Variants in CADM2 observed in about 807,000 individuals in gnomAD.
CADM2 encodes cell adhesion molecule 2.
Under a neutral mutation model 49.8 loss-of-function variants are expected in CADM2, and 12 were observed. That is an observed-to-expected ratio of 0.24 (90% CI 0.15 to 0.39). The LOEUF is 0.39. Ranked by LOEUF, CADM2 falls within the 10% of genes least tolerant of loss-of-function variation. The pLI, the probability that CADM2 is intolerant of heterozygous loss-of-function variation, is 1.00. For missense variants in CADM2, 378 were observed against 492.3 expected, an observed-to-expected ratio of 0.77 and a Z score of 2.20; for synonymous variants, 214 against 175.4, an observed-to-expected ratio of 1.22 and a Z score of -1.74.
chr3:85,408,967 A>G (rs2035532977), intron 1 of CADM2, among the ~76,000 whole-genome samples: 1 of 152,172 alleles, frequency 6.6e-6, no homozygotes, highest in Non-Finnish European at 1.5e-5. Context: ...ATGGCAATTT[A>G]ATGTTTGCAA....
intron 6 of CADM2, among the ~76,000 whole-genome samples, chr3:85,935,293 C>A (rs973737584): frequency 6.6e-6 from 1 of 152,094 alleles, no homozygotes; most frequent in African/African-American, 2.4e-5. Context: ...TGAAAAGATT[C>A]TGCATAATAC....
intron 1 of CADM2, among the ~76,000 whole-genome samples, chr3:85,218,246 A>G (rs2041974344): frequency 6.6e-6 from 1 of 152,148 alleles, no homozygotes; most frequent in Admixed American, 6.5e-5. Flanking sequence ...ACTTAGCCAT[A>G]TTTACCATTA....
chr3:85,289,448 CT>C (rs1553704756), intron 1 of CADM2, among the ~76,000 whole-genome samples: 10 of 152,104 alleles, frequency 6.6e-5, no homozygotes, highest in Non-Finnish European at 2.9e-5. Context: ...TGACTCTATG[CT>C]TGCAATAGAC....
chr3:85,927,372 G>T (rs915752493), intron 6 of CADM2, among the ~76,000 whole-genome samples: 1 of 152,132 alleles, frequency 6.6e-6, no homozygotes, highest in Admixed American at 6.5e-5. Flanking sequence ...CAAACACTGA[G>T]TAGCACCGTT....
intron 1 of CADM2, among the ~76,000 whole-genome samples, chr3:85,132,308 C>T (rs974780035): frequency 6.6e-6 from 1 of 152,132 alleles, no homozygotes; most frequent in Non-Finnish European, 1.5e-5. Flanking sequence ...CCTAAGGAAA[C>T]CTTTAACTGG....
At chr3:85,644,968 G>T (rs1052327642) in intron 1 of CADM2, among the ~76,000 whole-genome samples, 1 of 151,942 alleles carries the variant, frequency 6.6e-6, no homozygotes, top group Non-Finnish European at 1.5e-5. Flanking sequence ...CATTATATAA[G>T]ATTTTTCCTA....
At chr3:85,872,580 A>G (rs970313311) in intron 3 of CADM2, among the ~76,000 whole-genome samples, 1 of 151,568 alleles carries the variant, frequency 6.6e-6, no homozygotes, top group African/African-American at 2.4e-5. Flanking sequence ...AACTTCAATA[A>G]TTTTAATTTT....
chr3:85,890,677 GA>G (rs1202734630), intron 5 of CADM2, among the ~76,000 whole-genome samples: 7 of 143,700 alleles, frequency 4.9e-5, no homozygotes, highest in East Asian at 4.0e-4. Flanking sequence ...ATCAGTTCAT[GA>G]AAAAAAAGAA....
chr3:85,629,995 T>C (rs1040207492), intron 1 of CADM2, among the ~76,000 whole-genome samples: 6 of 152,168 alleles, frequency 3.9e-5, no homozygotes, highest in African/African-American at 1.4e-4. Flanking sequence ...ATCTTTTATC[T>C]GGTCTCTGTA....
intron 1 of CADM2, among the ~76,000 whole-genome samples, chr3:85,403,682 T>C (rs2035232135): frequency 6.6e-6 from 1 of 152,156 alleles, no homozygotes; most frequent in African/African-American, 2.4e-5. Context: ...ACTCATATAC[T>C]TGAATTTATT....
chr3:85,890,190 G>A (rs1206831984), intron 5 of CADM2, among the ~76,000 whole-genome samples: 8 of 151,670 alleles, frequency 5.3e-5, no homozygotes, highest in African/African-American at 1.7e-4. Context: ...AGGGGAGTAA[G>A]AAGGAAAAAA....
chr3:86,025,431 G>C (rs1203199405), intron 8 of CADM2, among the ~76,000 whole-genome samples: 1 of 147,998 alleles, frequency 6.8e-6, no homozygotes, highest in Non-Finnish European at 1.5e-5. Flanking sequence ...ATCTTCTAAG[G>C]ACTTTTTTTT....
chr3:85,335,674 T>C (rs1430692464), intron 1 of CADM2, among the ~76,000 whole-genome samples: 2 of 151,476 alleles, frequency 1.3e-5, no homozygotes, highest in Admixed American at 6.6e-5. Context: ...GTTTATAGCT[T>C]CTGCCTTTCT....
intron 2 of CADM2, among the ~76,000 whole-genome samples, chr3:85,779,082 C>G (rs1381202158): frequency 6.6e-6 from 1 of 152,008 alleles, no homozygotes; most frequent in Non-Finnish European, 1.5e-5. Context: ...TGTCCAAATA[C>G]AAGAGAGTAC....
chr3:85,904,766 C>T (rs371619844), intron 5 of CADM2, among the ~76,000 whole-genome samples: 27 of 152,070 alleles, frequency 1.8e-4, no homozygotes, highest in African/African-American at 4.6e-4. Context: ...GATATTGACT[C>T]GTAAATTATT....
rs990171996 is a variant in CADM2, at chr3:85,707,735, A to G, written c.62-18787A>G. ...TCCCTTTAGTTTAGCATCTTTAAAA[A>G]TATATATCAGTATGATTTGCCTTTT... is the stretch of plus-strand genomic sequence containing the variant. On this transcript the variant is annotated intron_variant, in intron 1 of 9. Coordinates refer to ENST00000383699, the MANE Select transcript of CADM2 (RefSeq NM_001167675.2). Among the ~76,000 whole-genome samples the G allele has an allele frequency of 1.7e-4, 26 of 152,162 alleles. 1 individual carries two copies. The highest frequency in any genetic ancestry group is 6.3e-4 in the African/African-American group (26 of 41,446).
intron 1 of CADM2, among the ~76,000 whole-genome samples, chr3:85,437,483 T>C (rs2036985972): frequency 6.6e-6 from 1 of 152,122 alleles, no homozygotes; most frequent in African/African-American, 2.4e-5. Flanking sequence ...GAATGAGTGT[T>C]CCTGTTGCTC....
intron 5 of CADM2, among the ~76,000 whole-genome samples, chr3:85,895,098 C>G (rs767382543): frequency 3.3e-5 from 5 of 152,170 alleles, no homozygotes; most frequent in South Asian, 4.1e-4. Flanking sequence ...CCACTGACAG[C>G]TTGAAGCCTG....
At chr3:85,385,230 C>T (rs1256277740) in intron 1 of CADM2, among the ~76,000 whole-genome samples, 1 of 152,196 alleles carries the variant, frequency 6.6e-6, no homozygotes, top group Admixed American at 6.5e-5. Flanking sequence ...CCACCATGCC[C>T]AGGCGACACA....
Sources: allele counts gnomAD v4.1 joint callset (sites outside exome capture counted in the v4.1 genomes callset), GRCh38; gene constraint gnomAD v4.1.1; transcripts MANE v1.5; gene names NCBI Gene and HGNC (gene_info 2026-07-23, HGNC 2026-07-21).